Variants in TBCEL observed in about 807,000 individuals in gnomAD.
TBCEL encodes the protein tubulin-specific chaperone cofactor E-like protein.
TBCEL carries 15 observed loss-of-function variants against 44.2 expected under a neutral mutation model. The ratio of observed to expected loss-of-function variants is 0.34; its 90% confidence interval spans 0.23 to 0.52. TBCEL has a LOEUF of 0.52. Ranked by LOEUF, TBCEL falls within the 20% of genes least tolerant of loss-of-function variation. The pLI, the probability that TBCEL is intolerant of heterozygous loss-of-function variation, is 0.95. For missense variants in TBCEL, 319 were observed against 506.3 expected, an observed-to-expected ratio of 0.63 and a Z score of 3.55; for synonymous variants, 171 against 185.4, an observed-to-expected ratio of 0.92 and a Z score of 0.63.
At chr11:121,045,435 G>T (rs1945411957) in intron 2 of TBCEL, among the ~76,000 whole-genome samples, 1 of 151,970 alleles carries the variant, frequency 6.6e-6, no homozygotes, top group African/African-American at 2.4e-5. Context: ...TCTAAATCTT[G>T]TAATAGTTTT....
At chr11:121,024,321 C>G (rs1403602273) in intron 1 of TBCEL, 30 bp downstream of exon 1, 1 of 152,414 alleles carries the variant, frequency 6.6e-6, no homozygotes, top group African/African-American at 2.4e-5. Context: ...CTGGCTCTGC[C>G]GGGCTCTCGA....
At chr11:121,056,522 T>C (rs1591398230) in intron 6 of TBCEL, among the ~76,000 whole-genome samples, 1 of 151,802 alleles carries the variant, frequency 6.6e-6, no homozygotes, top group South Asian at 2.1e-4. Flanking sequence ...TGCTGGATCG[T>C]ATGGTAAGAT....
chr11:121,077,539 T>C (rs1946054135), intron 8 of TBCEL, among the ~76,000 whole-genome samples: 1 of 152,250 alleles, frequency 6.6e-6, no homozygotes, highest in Admixed American at 6.5e-5. Flanking sequence ...GCTAGAGGTT[T>C]ATCAAATTTG....
chr11:121,081,351 A>G (rs1946122190), intron 8 of TBCEL, among the ~76,000 whole-genome samples: 1 of 152,196 alleles, frequency 6.6e-6, no homozygotes, highest in South Asian at 2.1e-4. Context: ...ACATTTTAGC[A>G]TTTGATGATT....
At chr11:121,083,071 G>T (rs1946155057) in intron 8 of TBCEL, among the ~76,000 whole-genome samples, 1 of 152,208 alleles carries the variant, frequency 6.6e-6, no homozygotes, top group African/African-American at 2.4e-5. Context: ...AAGAGAGTGT[G>T]GGAAATGTAT....
At chr11:121,077,108 T>G (rs1323504874) in intron 8 of TBCEL, among the ~76,000 whole-genome samples, 1 of 152,030 alleles carries the variant, frequency 6.6e-6, no homozygotes, top group Non-Finnish European at 1.5e-5. Context: ...GGTCTGTAAT[T>G]TTCTTATAAT....
At chr11:121,066,797 T>C (rs1438864811) in intron 8 of TBCEL, among the ~76,000 whole-genome samples, 1 of 152,228 alleles carries the variant, frequency 6.6e-6, no homozygotes, top group African/African-American at 2.4e-5. Context: ...TGTCAATGAA[T>C]AGCACATAGT....
At chr11:121,083,255 G>T (rs61903190) in intron 8 of TBCEL, among the ~76,000 whole-genome samples, 4,308 of 152,316 alleles carry the variant, frequency 0.028, 99 homozygotes, top group Non-Finnish European at 0.046. Context: ...CAGATAGATT[G>T]ATGGGATACG....
chr11:121,087,224 T>A lies in TBCEL; in HGVS notation c.*128T>A. On this transcript the variant is annotated 3_prime_UTR_variant, in exon 9 of 9. Transcript: ENST00000683345. The stretch of plus-strand genomic sequence containing the variant: ...TTGTTCTGTTTAGGTTTGGGAAGGA[T>A]TTTGTATATTTTTCCCCCTGGAGTG... 2.0e-6 allele frequency: 2 copies of A among 999,844 alleles called. No homozygotes were observed. The highest frequency in any genetic ancestry group is 3.5e-5 in the South Asian group (2 of 57,254). The allele number at this position is 999,844 out of a possible 1,614,324, so 61.9% of individuals were successfully genotyped here.
intron 2 of TBCEL, among the ~76,000 whole-genome samples, chr11:121,040,833 A>G (rs1419737762): frequency 2.6e-5 from 4 of 152,192 alleles, no homozygotes; most frequent in Non-Finnish European, 5.9e-5. Context: ...TCAAAAGGGT[A>G]AACATTGGAA....
chr11:121,057,521 G>C (rs1486445270), intron 6 of TBCEL: 1 of 432,088 alleles, frequency 2.3e-6, no homozygotes, highest in Non-Finnish European at 4.6e-6. Flanking sequence ...CATCTCTCCT[G>C]TCACCAAATT....
intron 8 of TBCEL, among the ~76,000 whole-genome samples, chr11:121,068,261 G>C (rs1945857810): frequency 6.6e-6 from 1 of 151,840 alleles, no homozygotes; most frequent in Non-Finnish European, 1.5e-5. Flanking sequence ...CTCACCCCTA[G>C]CCCCCTGTGC....
intron 8 of TBCEL, among the ~76,000 whole-genome samples, chr11:121,085,817 A>G (rs1369446243): frequency 6.6e-6 from 1 of 152,052 alleles, no homozygotes; most frequent in African/African-American, 2.4e-5. Context: ...CAGTGGTCTT[A>G]CTGTATGTTT....
In TBCEL at chr11:121,041,120, T is replaced by C. The variant is rs573918308; in HGVS notation, c.-18+4508T>C. Among the ~76,000 whole-genome samples the C allele has an allele frequency of 2.0e-5, 3 of 152,344 alleles. No individual in the cohort carries two copies. The South Asian group carries it at 6.2e-4, about 32-fold the overall frequency. On this transcript the variant is annotated intron_variant, in intron 2 of 8. Coordinates refer to ENST00000683345, the MANE Select transcript of TBCEL (RefSeq NM_001363644.2). ...AAATAAGTATTGACTTGCATACTTA[T>C]TATACAAAAGGATCTATCTTATATG... is the stretch of plus-strand genomic sequence containing the variant.
chr11:121,025,449 A>G (rs1331549331), intron 1 of TBCEL, among the ~76,000 whole-genome samples: 1 of 152,222 alleles, frequency 6.6e-6, no homozygotes, highest in Non-Finnish European at 1.5e-5. Flanking sequence ...TATGTCTTAC[A>G]TTCAGATCTA....
At chr11:121,042,100 A>G (rs997926774) in intron 2 of TBCEL, among the ~76,000 whole-genome samples, 14 of 152,054 alleles carry the variant, frequency 9.2e-5, no homozygotes, top group Admixed American at 3.3e-4. Context: ...TTGCCCTTGA[A>G]TTGTGTAAGT....
At chr11:121,067,078 C>G (rs1407927712) in intron 8 of TBCEL, among the ~76,000 whole-genome samples, 1 of 152,092 alleles carries the variant, frequency 6.6e-6, no homozygotes, top group African/African-American at 2.4e-5. Flanking sequence ...TGAAATAGCT[C>G]TAATTAACTT....
At position 121,045,704 on chromosome 11, in the gene TBCEL, G is replaced by A. The variant is rs940194223; in HGVS notation, c.14G>A (p.Ser5Asn). MDQP[S>N]GRSFMQVLCE... ...TAAGAAAGAAAGATGGATCAACCTA[G>A]TGGAAGAAGTTTCATGCAAGTATTA... The change falls in exon 3 of 9, where the codon AGT (serine) becomes AAT (asparagine). Residue 5 changes from serine to asparagine, a missense_variant. Coordinates refer to ENST00000683345, the MANE Select transcript of TBCEL (RefSeq NM_001363644.2). The A allele has an allele frequency of 5.9e-5, 95 of 1,597,450 alleles. No individual in the cohort carries two copies. Among genetic ancestry groups the A allele is most frequent in the Non-Finnish European group, 7.7e-5 (91 of 1,175,016 alleles).
chr11:121,073,737 A>G (rs762355648), intron 8 of TBCEL, among the ~76,000 whole-genome samples: 5 of 151,924 alleles, frequency 3.3e-5, no homozygotes, highest in Non-Finnish European at 7.4e-5. Context: ...TGATAGGTTC[A>G]GGTGGTTTCT....
Sources: gnomAD v4.1 joint callset for allele counts (sites outside exome capture counted in the v4.1 genomes callset) on GRCh38, gnomAD v4.1.1 for gene constraint, MANE v1.5 for transcripts, NCBI Gene and HGNC (gene_info 2026-07-23, HGNC 2026-07-21) for gene names.